Variants in STPG2 observed in about 807,000 individuals in gnomAD.
STPG2 encodes the protein sperm tail PG-rich repeat containing 2, also known as sperm-tail PG-rich repeat-containing protein 2.
In STPG2, 56 loss-of-function variants were observed where a neutral mutation model predicts 54.2. The observed-to-expected ratio is 1.03, with a 90% CI of 0.83 to 1.29. The LOEUF is 1.29. Among genes scored for constraint, STPG2 ranks in the 50% most tolerant of loss-of-function variants. STPG2 has a pLI of 0.00. For missense variants in STPG2, 596 were observed against 544.9 expected (o/e 1.09, Z -0.93); for synonymous variants, 200 against 181.8 (o/e 1.10, Z -0.81).
In STPG2 at chr4:98,027,068, G is replaced by A. The variant is rs573909222; in HGVS notation, c.613-45750C>T. Among the ~76,000 whole-genome samples the A allele has an allele frequency of 7.2e-5, 11 of 152,292 alleles. No homozygotes were observed. In the South Asian group the frequency reaches 2.1e-3, roughly 29 times the overall value. On this transcript the variant is annotated intron_variant, in intron 5 of 10. Transcript: ENST00000295268. Reference sequence around the variant, plus strand: ...ACTTATCAGGCAGATTCTCAGACTGGTAAGATGCAGACGGCTCTTCCTTTG... The same window carrying A: ...ACTTATCAGGCAGATTCTCAGACTGATAAGATGCAGACGGCTCTTCCTTTG...
intron 10 of STPG2, among the ~76,000 whole-genome samples, chr4:97,672,888 C>T (rs1456771402): frequency 6.6e-6 from 1 of 152,208 alleles, no homozygotes; most frequent in South Asian, 2.1e-4. Flanking sequence ...CTTGTTACTT[C>T]TTTCTATGTG....
intron 9 of STPG2, among the ~76,000 whole-genome samples, chr4:97,828,039 G>A (rs1728319295): frequency 6.6e-6 from 1 of 152,046 alleles, no homozygotes; most frequent in African/African-American, 2.4e-5. Context: ...ATGGAACAAA[G>A]TTCCATCAAA....
At chr4:98,135,696 A>T (rs912417307) in intron 1 of STPG2, among the ~76,000 whole-genome samples, 2 of 151,758 alleles carry the variant, frequency 1.3e-5, no homozygotes, top group Admixed American at 1.3e-4. Context: ...AGGAAGGGAA[A>T]GGGAGGAAAG....
chr4:97,501,533 A>T (rs1420257998), intron 4 of STPG2, among the ~76,000 whole-genome samples: 5 of 151,942 alleles, frequency 3.3e-5, no homozygotes, highest in Non-Finnish European at 7.4e-5. Context: ...TGGAAAAAAA[A>T]TACACAAAAG....
At chr4:97,775,187 G>A (rs1726337869) in intron 9 of STPG2, among the ~76,000 whole-genome samples, 1 of 152,170 alleles carries the variant, frequency 6.6e-6, no homozygotes, top group Non-Finnish European at 1.5e-5. Context: ...ATAATAAAAA[G>A]AGATGAAGGA....
chr4:97,729,337 C>T (rs1312406134), intron 9 of STPG2, among the ~76,000 whole-genome samples: 1 of 151,948 alleles, frequency 6.6e-6, no homozygotes, highest in East Asian at 1.9e-4. Context: ...TGTTTTTTGC[C>T]ATTCTTTAAT....
intron 7 of STPG2, among the ~76,000 whole-genome samples, chr4:97,966,811 C>T (rs987783153): frequency 9.9e-5 from 15 of 151,980 alleles, no homozygotes; most frequent in African/African-American, 2.7e-4. Flanking sequence ...TTAACAGAAA[C>T]GCAAAGGCTG....
intron 4 of STPG2, among the ~76,000 whole-genome samples, chr4:97,543,604 G>C (rs1330174671): frequency 6.6e-6 from 1 of 151,836 alleles, no homozygotes; most frequent in Non-Finnish European, 1.5e-5. Flanking sequence ...TCACTATACT[G>C]GATAGCAAAA....
chr4:98,023,565 G>C lies in STPG2; in HGVS notation c.613-42247C>G, dbSNP rs1389817470. Among the ~76,000 whole-genome samples the C allele has an allele frequency of 2.6e-5, 4 of 152,322 alleles. No individual in the cohort carries two copies. The East Asian group carries it at 7.7e-4, about 29-fold the overall frequency. ...ACCACTATTCTCTTTAAAGCTGTCA[G>C]ACGGGGACATTTAAGTCTGCAGAGG... On this transcript the variant is annotated intron_variant, in intron 5 of 10. Transcript: ENST00000295268.
Position 98,105,167 on chromosome 4 carries a change from C to A in STPG2, c.612+786G>T, listed in dbSNP as rs145326591. Among the ~76,000 whole-genome samples, 719 of 152,310 alleles carry A rather than the reference C, an allele frequency of 4.7e-3. 8 individuals carry two copies. Among genetic ancestry groups the A allele is most frequent in the African/African-American group, 0.016 (670 of 41,552 alleles). On this transcript the variant is annotated intron_variant, in intron 5 of 10. Coordinates refer to ENST00000295268, the MANE Select transcript of STPG2 (RefSeq NM_174952.3). Reference sequence around the variant, plus strand: ...CCCTGTTTTTGTCTATAAATTTATTCTGACCAAAAGGCATCCCTGGAGTCT... The same window carrying A: ...CCCTGTTTTTGTCTATAAATTTATTATGACCAAAAGGCATCCCTGGAGTCT...
chr4:97,854,529 A>G (rs1473956282), intron 8 of STPG2, among the ~76,000 whole-genome samples: 1 of 149,306 alleles, frequency 6.7e-6, no homozygotes, highest in Non-Finnish European at 1.5e-5. Flanking sequence ...TCATTTATTT[A>G]GTTCTTTTTT....
intron 5 of STPG2, among the ~76,000 whole-genome samples, chr4:97,988,693 G>A (rs768811689): frequency 6.6e-6 from 1 of 152,084 alleles, no homozygotes. Context: ...TGCAACCTCC[G>A]CCTCCCGTGC....
chr4:97,976,306 T>C (rs190741241), intron 6 of STPG2, among the ~76,000 whole-genome samples: 14 of 152,278 alleles, frequency 9.2e-5, no homozygotes, highest in Non-Finnish European at 2.1e-4. Context: ...TTAAGATATA[T>C]AAATAACAAG....
At chr4:97,962,615 C>G (rs949671665) in intron 7 of STPG2, among the ~76,000 whole-genome samples, 1 of 152,108 alleles carries the variant, frequency 6.6e-6, no homozygotes, top group South Asian at 2.1e-4. Context: ...AAATTGTCAA[C>G]AAGAATAGCA....
At chr4:97,515,333 C>T (rs935436013) in intron 4 of STPG2, among the ~76,000 whole-genome samples, 3 of 151,978 alleles carry the variant, frequency 2.0e-5, no homozygotes, top group Non-Finnish European at 4.4e-5. Context: ...AAACAATATT[C>T]TGGAATTTTT....
chr4:97,906,963 G>C (rs1428574344), intron 8 of STPG2, among the ~76,000 whole-genome samples: 6 of 149,458 alleles, frequency 4.0e-5, no homozygotes, highest in African/African-American at 1.5e-4. Context: ...GCACAAGACA[G>C]GGATGCCCTC....
At chr4:97,735,261 C>CTATA (rs368849557) in intron 9 of STPG2, among the ~76,000 whole-genome samples, 5 of 150,672 alleles carry the variant, frequency 3.3e-5, no homozygotes, top group African/African-American at 9.8e-5. Context: ...AGGTGTGTAT[C>CTATA]TATATATATA....
chr4:98,044,660 T>C (rs1332406816), intron 5 of STPG2, among the ~76,000 whole-genome samples: 1 of 152,190 alleles, frequency 6.6e-6, no homozygotes, highest in African/African-American at 2.4e-5. Flanking sequence ...CTGATGATGA[T>C]GCATTTTAGC....
At chr4:98,125,713 G>A (rs545548333) in intron 3 of STPG2, among the ~76,000 whole-genome samples, 2 of 152,322 alleles carry the variant, frequency 1.3e-5, no homozygotes, top group South Asian at 4.2e-4. Flanking sequence ...GTGCTGAACT[G>A]GGATGAATCC....
Sources: allele counts gnomAD v4.1 joint callset (sites outside exome capture counted in the v4.1 genomes callset), GRCh38; gene constraint gnomAD v4.1.1; transcripts MANE v1.5; gene names NCBI Gene and HGNC (gene_info 2026-07-23, HGNC 2026-07-21).